Variants in ARNT2 observed in about 807,000 individuals in gnomAD.
ARNT2 encodes the protein aryl hydrocarbon receptor nuclear translocator 2, also known as ARNT protein 2.
In ARNT2, 36 loss-of-function variants were observed where a neutral mutation model predicts 91.7. The observed-to-expected ratio is 0.39, with a 90% CI of 0.30 to 0.52. The LOEUF (loss-of-function observed/expected upper bound fraction) is 0.52, where lower values mean the gene tolerates loss of function less well. ARNT2 is among the 20% of genes least tolerant of loss of function. The probability of loss-of-function intolerance (pLI) is 0.72; values close to 1 mark genes in which losing one functional copy is unlikely to be tolerated. For synonymous variants in ARNT2, 365 were observed against 347.1 expected (o/e 1.05, Z -0.57); for missense variants, 775 against 939.3 (o/e 0.83, Z 2.29).
At chr15:80,474,177 G>C (rs925258584) in intron 4 of ARNT2, among the ~76,000 whole-genome samples, 1 of 152,168 alleles carries the variant, frequency 6.6e-6, no homozygotes, top group Non-Finnish European at 1.5e-5. Flanking sequence ...TTTTAACAAA[G>C]TTAATTTTGC....
chr15:80,561,212 C>A (rs1256494812), intron 11 of ARNT2, among the ~76,000 whole-genome samples: 1 of 152,104 alleles, frequency 6.6e-6, no homozygotes, highest in Non-Finnish European at 1.5e-5. Context: ...GTCAGACCTT[C>A]CCTGATCACA....
intron 5 of ARNT2, among the ~76,000 whole-genome samples, chr15:80,491,663 G>A (rs1897058354): frequency 6.6e-6 from 1 of 152,026 alleles, no homozygotes; most frequent in Admixed American, 6.6e-5. Flanking sequence ...TAGAAAGACT[G>A]TTCTGGTTGC....
chr15:80,494,167 A>C (rs2093974632), intron 5 of ARNT2, among the ~76,000 whole-genome samples: 1 of 152,212 alleles, frequency 6.6e-6, no homozygotes. Context: ...TGAGCTGCTC[A>C]TACTCATTTC....
At chr15:80,492,524 T>A (rs558129523) in intron 5 of ARNT2, among the ~76,000 whole-genome samples, 33 of 152,306 alleles carry the variant, frequency 2.2e-4, no homozygotes, top group African/African-American at 7.9e-4. Context: ...TCCTGTTACT[T>A]GGTTGGAAGC....
At position 80,589,937 on chromosome 15, in the gene ARNT2, A is replaced by G. The variant is rs574293635; in HGVS notation, c.1919-1631A>G. On this transcript the variant is annotated intron_variant, in intron 17 of 18. Coordinates refer to ENST00000303329, the MANE Select transcript of ARNT2 (RefSeq NM_014862.4). ...GGAATGTACCCTGCCTCAATTTTAT[A>G]GAATTCCTTACCAACTATTGTCATC... Among the ~76,000 whole-genome samples, 50 of 152,326 alleles carry G rather than the reference A, an allele frequency of 3.3e-4. 1 individual carries two copies. Among genetic ancestry groups the G allele is most frequent in the African/African-American group, 1.2e-3 (50 of 41,580 alleles).
chr15:80,457,920 A>G lies in ARNT2; in HGVS notation c.147-9A>G, dbSNP rs768015003. On this transcript the variant is annotated splice_polypyrimidine_tract_variant and intron_variant, in intron 2 of 18. Coordinates refer to ENST00000303329, the MANE Select transcript of ARNT2 (RefSeq NM_014862.4). ...TAATCAGTGCTCACTTGTGATCTTG[A>G]CTTTTCAGAATGGACTTCGATGATG... The G allele has an allele frequency of 6.2e-7, 1 of 1,614,014 alleles. No individual in the cohort carries two copies. The highest frequency in any genetic ancestry group is 2.2e-5 in the East Asian group (1 of 44,868).
chr15:80,523,264 A>G (rs1252680367), intron 8 of ARNT2, among the ~76,000 whole-genome samples: 3 of 152,198 alleles, frequency 2.0e-5, no homozygotes, highest in Non-Finnish European at 2.9e-5. Context: ...TTCACCGAGC[A>G]TGTGTGCTGG....
At chr15:80,560,672 G>A (rs1215369447) in intron 11 of ARNT2, among the ~76,000 whole-genome samples, 1 of 152,206 alleles carries the variant, frequency 6.6e-6, no homozygotes, top group Non-Finnish European at 1.5e-5. Flanking sequence ...TCAAAACGTG[G>A]ACAGTGACTC....
chr15:80,514,956 G>A (rs1047770342), intron 8 of ARNT2, among the ~76,000 whole-genome samples: 9 of 152,158 alleles, frequency 5.9e-5, no homozygotes, highest in Admixed American at 2.6e-4. Context: ...TGGAGTCTTA[G>A]CAACTTGTTT....
At position 80,513,961 on chromosome 15, in the gene ARNT2, T is replaced by A; in HGVS notation, c.776T>A (p.Met259Lys). The change falls in exon 7 of 19, where the codon ATG becomes AAG. Residue 259 changes from methionine to lysine, a missense_variant. Physicochemically the swap from Met to Lys is moderately conservative, Grantham distance 95. Coordinates refer to ENST00000303329, the MANE Select transcript of ARNT2 (RefSeq NM_014862.4). Reference sequence around the variant, plus strand: ...CTTCCTCTAAACAGAATAACCACCATGAGGAAAAGGTTCAGGTCAGTATCT... The same window carrying A: ...CTTCCTCTAAACAGAATAACCACCAAGAGGAAAAGGTTCAGGTCAGTATCT... ...DHLPLNRITT[M>K]RKRFRNGLGP... 3 of 1,613,314 alleles carry A rather than the reference T, an allele frequency of 1.9e-6. No homozygotes were observed. Among genetic ancestry groups the A allele is most frequent in the Non-Finnish European group, 2.5e-6 (3 of 1,179,312 alleles).
chr15:80,427,895 A>T (rs1895954431), intron 1 of ARNT2, among the ~76,000 whole-genome samples: 1 of 152,220 alleles, frequency 6.6e-6, no homozygotes, highest in Admixed American at 6.5e-5. Context: ...ATCAGAGGGA[A>T]TACCATCTAC....
intron 1 of ARNT2, among the ~76,000 whole-genome samples, chr15:80,415,008 A>T (rs1895757576): frequency 6.6e-6 from 1 of 152,228 alleles, no homozygotes; most frequent in Admixed American, 6.5e-5. Flanking sequence ...CTGACCAACC[A>T]TTGGTGAACA....
At chr15:80,449,878 C>T (rs1567182625) in intron 1 of ARNT2, among the ~76,000 whole-genome samples, 1 of 152,180 alleles carries the variant, frequency 6.6e-6, no homozygotes, top group East Asian at 1.9e-4. Flanking sequence ...CCTGACCCAT[C>T]TTTTATATAT....
At chr15:80,508,912 A>C (rs1345857839) in intron 6 of ARNT2, among the ~76,000 whole-genome samples, 3 of 152,210 alleles carry the variant, frequency 2.0e-5, no homozygotes, top group Non-Finnish European at 4.4e-5. Context: ...TGAATCCTCC[A>C]GTCCAGTTCA....
chr15:80,416,906 A>G (rs972541161), intron 1 of ARNT2, among the ~76,000 whole-genome samples: 3 of 152,188 alleles, frequency 2.0e-5, no homozygotes, highest in African/African-American at 7.2e-5. Flanking sequence ...GTCATTTAAG[A>G]TGCCATTTAT....
intron 3 of ARNT2, among the ~76,000 whole-genome samples, chr15:80,461,954 A>T (rs1188760087): frequency 6.6e-6 from 1 of 151,986 alleles, no homozygotes; most frequent in East Asian, 1.9e-4. Context: ...TGCCGATTAC[A>T]CTCCAGCAAG....
At chr15:80,440,559 G>C (rs779557737) in intron 1 of ARNT2, among the ~76,000 whole-genome samples, 2 of 152,210 alleles carry the variant, frequency 1.3e-5, no homozygotes, top group Non-Finnish European at 2.9e-5. Flanking sequence ...CAGTGCCCCT[G>C]TTCCAGAGGA....
chr15:80,566,157 C>G lies in ARNT2; in HGVS notation c.1316+2918C>G, dbSNP rs188026504. On this transcript the variant is annotated intron_variant, in intron 12 of 18. Coordinates refer to ENST00000303329, the MANE Select transcript of ARNT2 (RefSeq NM_014862.4). ...TGTCAACAGCACCAGCAGCAGCAAC[C>G]CTGCCACCCTTTGCAGCGACTTGGC... Among the ~76,000 whole-genome samples, 296 of 151,774 alleles carry G rather than the reference C, an allele frequency of 2.0e-3. 6 individuals are homozygous for G. Among genetic ancestry groups the G allele is most frequent in the East Asian group, 7.1e-3 (37 of 5,186 alleles).
At chr15:80,583,143 GAGGC>G (rs1278748051) in intron 17 of ARNT2, among the ~76,000 whole-genome samples, 1 of 152,262 alleles carries the variant, frequency 6.6e-6, no homozygotes, top group African/African-American at 2.4e-5. Flanking sequence ...GAGGTAAAGG[GAGGC>G]AGGCAGGACA....
Sources: allele counts gnomAD v4.1 joint callset (sites outside exome capture counted in the v4.1 genomes callset), GRCh38; gene constraint gnomAD v4.1.1; transcripts MANE v1.5; gene names NCBI Gene and HGNC (gene_info 2026-07-23, HGNC 2026-07-21).